DAAM1: variants seen among roughly 807,000 people sequenced by gnomAD.
The protein encoded by DAAM1 is disheveled-associated activator of morphogenesis 1.
In DAAM1, 52 loss-of-function variants were observed where a neutral mutation model predicts 130.0. That is an observed-to-expected ratio of 0.40 (90% confidence interval 0.32 to 0.50). The LOEUF is 0.50. DAAM1 is among the 20% of genes least tolerant of loss of function. DAAM1 has a pLI of 0.61. For missense variants in DAAM1, 1,134 were observed against 1,303.8 expected (o/e 0.87, Z 2.01); for synonymous variants, 452 against 444.5 (o/e 1.02, Z -0.21).
At chr14:59,255,951 A>G (rs1435772852) in intron 1 of DAAM1, among the ~76,000 whole-genome samples, 4 of 152,146 alleles carry the variant, frequency 2.6e-5, no homozygotes, top group Non-Finnish European at 4.4e-5. Context: ...GGCTCTCAGG[A>G]ACTAATTGTC....
At chr14:59,272,289 C>T (rs1216695218) in intron 2 of DAAM1, among the ~76,000 whole-genome samples, 5 of 152,122 alleles carry the variant, frequency 3.3e-5, no homozygotes, top group African/African-American at 2.4e-5. Context: ...TGGCTGGGTG[C>T]AGTGGCTGGC....
intron 1 of DAAM1, among the ~76,000 whole-genome samples, chr14:59,198,915 A>G (rs1888004985): frequency 6.6e-6 from 1 of 152,252 alleles, no homozygotes; most frequent in African/African-American, 2.4e-5. Flanking sequence ...TTCACATAGA[A>G]TAAGCTATCT....
chr14:59,368,207 ATAACAGTAACTATTG>A (rs1165488671), intron 24 of DAAM1, among the ~76,000 whole-genome samples: 3 of 116,868 alleles, frequency 2.6e-5, no homozygotes, highest in Admixed American at 8.0e-5. Flanking sequence ...TTGGCTTTTA[ATAACAGTAACTATTG>A]TGTATCAGGT....
chr14:59,217,996 A>G (rs1888644710), intron 1 of DAAM1, among the ~76,000 whole-genome samples: 1 of 151,190 alleles, frequency 6.6e-6, no homozygotes, highest in African/African-American at 2.4e-5. Context: ...GATCAGGTAT[A>G]CTGGCATGTG....
intron 1 of DAAM1, among the ~76,000 whole-genome samples, chr14:59,239,636 C>T (rs1023269480): frequency 1.3e-5 from 2 of 151,874 alleles, no homozygotes; most frequent in Admixed American, 6.6e-5. Context: ...CCCACCGCGC[C>T]CCCACCCCGA....
At chr14:59,230,994 C>T (rs1189680526) in intron 1 of DAAM1, among the ~76,000 whole-genome samples, 4 of 152,164 alleles carry the variant, frequency 2.6e-5, no homozygotes, top group Non-Finnish European at 5.9e-5. Flanking sequence ...CTGTCAATGT[C>T]TTATGCTGCT....
At chr14:59,265,502 A>G (rs1882393271) in intron 2 of DAAM1, 1 of 152,188 alleles carries the variant, frequency 6.6e-6, no homozygotes, top group African/African-American at 2.4e-5. Context: ...AATGGCAACA[A>G]AAGAATAATC....
intron 23 of DAAM1, among the ~76,000 whole-genome samples, chr14:59,365,179 G>A (rs982258971): frequency 2.6e-5 from 4 of 152,070 alleles, no homozygotes; most frequent in Admixed American, 6.5e-5. Context: ...TGACTGGGGT[G>A]TGTGTGTGTA....
At chr14:59,299,561 G>A (rs960819333) in intron 3 of DAAM1, among the ~76,000 whole-genome samples, 1 of 152,108 alleles carries the variant, frequency 6.6e-6, no homozygotes, top group East Asian at 1.9e-4. Flanking sequence ...TTTCTTGAGT[G>A]ATGTTGATGT....
intron 1 of DAAM1, among the ~76,000 whole-genome samples, chr14:59,255,948 A>G (rs931551621): frequency 1.3e-5 from 2 of 152,206 alleles, no homozygotes; most frequent in Non-Finnish European, 2.9e-5. Context: ...GGTGGCTCTC[A>G]GGAACTAATT....
intron 1 of DAAM1, among the ~76,000 whole-genome samples, chr14:59,197,484 C>G (rs1376555784): frequency 6.6e-6 from 1 of 152,106 alleles, no homozygotes; most frequent in African/African-American, 2.4e-5. Context: ...AATGAACAGG[C>G]CTGCTATTAT....
rs1361038034 is a variant in DAAM1 at position 59,339,959 on chromosome 14, CATGTGTATACGA to C, written c.1969-114_1969-103del. The C allele has an allele frequency of 4.2e-6, 3 of 711,252 alleles. No individual in the cohort carries two copies. The African/African-American group carries it at 5.3e-5, about 13-fold the overall frequency. The allele number at this position is 711,252 out of a possible 1,614,324, so 44.1% of individuals were successfully genotyped here. ...CACTTCCCACCATTTCAGCCTTGCC[CATGTGTATACGA>C]GTGTGTGTATGTGTATATGAACAAC... On this transcript the variant is annotated intron_variant, in intron 15 of 24. Transcript: ENST00000360909.
At chr14:59,274,297 C>T (rs1594793340) in intron 2 of DAAM1, among the ~76,000 whole-genome samples, 1 of 152,022 alleles carries the variant, frequency 6.6e-6, no homozygotes, top group African/African-American at 2.4e-5. Context: ...ATATATATGA[C>T]ATGTATATAT....
At chr14:59,247,512 A>G (rs1881442224) in intron 1 of DAAM1, among the ~76,000 whole-genome samples, 1 of 152,202 alleles carries the variant, frequency 6.6e-6, no homozygotes, top group Admixed American at 6.5e-5. Context: ...CTTCCAGTCT[A>G]TGAATATGGG....
chr14:59,279,034 C>A (rs1333136844), intron 2 of DAAM1, among the ~76,000 whole-genome samples: 2 of 152,280 alleles, frequency 1.3e-5, no homozygotes, highest in East Asian at 1.9e-4. Flanking sequence ...GGGGCTCCAA[C>A]AAGCAGGCTT....
intron 16 of DAAM1, among the ~76,000 whole-genome samples, chr14:59,347,279 A>G (rs1886121048): frequency 6.6e-6 from 1 of 151,332 alleles, no homozygotes; most frequent in Non-Finnish European, 1.5e-5. Flanking sequence ...CTAATCTTCC[A>G]ATCCCTTGCT....
chr14:59,231,945 G>GA (rs1285970246), intron 1 of DAAM1, among the ~76,000 whole-genome samples: 1 of 152,168 alleles, frequency 6.6e-6, no homozygotes, highest in African/African-American at 2.4e-5. Flanking sequence ...CTCAGCATGT[G>GA]AAGTGGTGGG....
intron 2 of DAAM1, among the ~76,000 whole-genome samples, chr14:59,285,226 G>A (rs2139551985): frequency 6.6e-6 from 1 of 152,208 alleles, no homozygotes; most frequent in Non-Finnish European, 1.5e-5. Flanking sequence ...ATAAAGTGAA[G>A]GAGAAACAAA....
chr14:59,319,683 G>A (rs1884931172), intron 4 of DAAM1, among the ~76,000 whole-genome samples: 2 of 152,136 alleles, frequency 1.3e-5, no homozygotes, highest in Non-Finnish European at 2.9e-5. Context: ...GAGTGAAAGG[G>A]AATGGAAAGG....
Sources: gnomAD v4.1 joint callset for allele counts (sites outside exome capture counted in the v4.1 genomes callset) on GRCh38, gnomAD v4.1.1 for gene constraint, MANE v1.5 for transcripts, NCBI Gene and HGNC (gene_info 2026-07-23, HGNC 2026-07-21) for gene names.